The following LIMA1 variants were observed in gnomAD, a reference collection of about 807,000 sequenced individuals.
LIMA1 encodes the protein LIM domain and actin binding 1.
A neutral mutation model predicts 62.6 loss-of-function variants in LIMA1; 52 were observed. The ratio of observed to expected loss-of-function variants is 0.83; its 90% CI spans 0.67 to 1.05. The LOEUF is 1.05. Among genes scored for constraint, LIMA1 ranks in the 50% least tolerant of loss-of-function variants. The pLI is 0.00. For missense variants in LIMA1, 780 were observed against 902.2 expected, an observed-to-expected ratio of 0.86 and a Z score of 1.74; for synonymous variants, 302 against 317.8, an observed-to-expected ratio of 0.95 and a Z score of 0.53.
intron 2 of LIMA1, among the ~76,000 whole-genome samples, chr12:50,244,129 C>T (rs1309930921): frequency 3.3e-5 from 5 of 151,868 alleles, no homozygotes; most frequent in Non-Finnish European, 5.9e-5. Flanking sequence ...GACAGAGTCT[C>T]GCTCTGTAGC....
intron 3 of LIMA1, among the ~76,000 whole-genome samples, chr12:50,226,607 G>A (rs148753766): frequency 0.023 from 3,570 of 152,188 alleles, 128 homozygotes; most frequent in African/African-American, 0.08. Context: ...TTGGGAGGCC[G>A]AGGCGGGCGG....
chr12:50,198,573 CAA>C (rs1940979031), intron 7 of LIMA1, among the ~76,000 whole-genome samples: 1 of 151,856 alleles, frequency 6.6e-6, no homozygotes, highest in Non-Finnish European at 1.5e-5. Context: ...TTAAAAAATA[CAA>C]ATTCCAACTA....
intron 10 of LIMA1, among the ~76,000 whole-genome samples, chr12:50,179,885 G>T (rs1402429045): frequency 6.6e-6 from 1 of 151,598 alleles, no homozygotes; most frequent in Non-Finnish European, 1.5e-5. Context: ...ATTTTTCATA[G>T]AGATGGGATC....
At chr12:50,214,051 C>CACACACACACAT (rs55904917) in intron 4 of LIMA1, among the ~76,000 whole-genome samples, 44 of 149,972 alleles carry the variant, frequency 2.9e-4, no homozygotes, top group Middle Eastern at 6.9e-3. Flanking sequence ...CACACACACA[C>CACACACACACAT]GAGATTACTC....
intron 1 of LIMA1, among the ~76,000 whole-genome samples, chr12:50,261,038 G>GTATA (rs771293990): frequency 2.9e-5 from 2 of 70,158 alleles, no homozygotes; most frequent in African/African-American, 1.3e-4. Flanking sequence ...CTGCCATCTA[G>GTATA]TATATTTTTT....
chr12:50,177,289 G>GAA lies in LIMA1; in HGVS notation c.2054_2055insTT (p.Asp687ProfsTer20). 8.7e-6 allele frequency: 14 copies of GAA among 1,614,158 alleles called. No individual in the cohort carries two copies. The highest frequency in any genetic ancestry group is 1.2e-5 in the Non-Finnish European group (14 of 1,180,028). On this transcript the variant is annotated frameshift_variant, in exon 11 of 11. Transcript: ENST00000341247. LOFTEE classifies it high-confidence loss of function. Reference sequence around the variant, plus strand: ...GGAAGCTGTTATCATCTTCATCGGAGTCTGCACCATTTTCTACAAGATTCT... The same window carrying GAA: ...GGAAGCTGTTATCATCTTCATCGGAGAATCTGCACCATTTTCTACAAGATTCT...
chr12:50,191,843 A>C (rs978334741), intron 9 of LIMA1, among the ~76,000 whole-genome samples: 1 of 148,294 alleles, frequency 6.7e-6, no homozygotes, highest in African/African-American at 2.5e-5. Flanking sequence ...AAAACAAACA[A>C]ACAAACAAAC....
chr12:50,217,026 T>A (rs1249296913), intron 4 of LIMA1, among the ~76,000 whole-genome samples: 1 of 152,092 alleles, frequency 6.6e-6, no homozygotes, highest in Non-Finnish European at 1.5e-5. Context: ...ACCTTCCTTT[T>A]ATTAAATAAA....
rs535492365 is a variant in LIMA1 at position 50,178,951 on chromosome 12, CAT to C, written c.1275-884_1275-883del. Among the ~76,000 whole-genome samples, 935 of 138,580 alleles carry C rather than the reference CAT, an allele frequency of 6.7e-3. 3 individuals are homozygous for C. Among genetic ancestry groups the C allele is most frequent in the Middle Eastern group, 0.014 (4 of 276 alleles). 90.9% of individuals were successfully genotyped at this position (138,580 alleles called of 152,430 possible). Reference sequence around the variant, plus strand: ...CTCTATTCTTAACGGTATATAAATACATATATATATATATATTTTTTTTTTCT... The same window carrying C: ...CTCTATTCTTAACGGTATATAAATACATATATATATATATTTTTTTTTTCT... On this transcript the variant is annotated intron_variant, in intron 10 of 10. Transcript: ENST00000341247.
At chr12:50,245,053 T>C (rs1007410174) in intron 2 of LIMA1, among the ~76,000 whole-genome samples, 2 of 152,150 alleles carry the variant, frequency 1.3e-5, no homozygotes, top group South Asian at 2.1e-4. Flanking sequence ...TTCTGAGTGA[T>C]AGGTTGAGAC....
intron 2 of LIMA1, among the ~76,000 whole-genome samples, chr12:50,233,184 T>G (rs1208174183): frequency 6.6e-6 from 1 of 152,222 alleles, no homozygotes; most frequent in Non-Finnish European, 1.5e-5. Flanking sequence ...GTCTAGGCTT[T>G]AAGCCCCAGT....
intron 4 of LIMA1, among the ~76,000 whole-genome samples, chr12:50,213,161 T>C (rs949572325): frequency 1.3e-5 from 2 of 152,226 alleles, no homozygotes; most frequent in Non-Finnish European, 2.9e-5. Flanking sequence ...TCCAGTGCTT[T>C]CATTCATATC....
At chr12:50,218,700 G>A (rs1941390939) in intron 4 of LIMA1, among the ~76,000 whole-genome samples, 1 of 152,032 alleles carries the variant, frequency 6.6e-6, no homozygotes. Flanking sequence ...GAGCCCAGGA[G>A]TTTAAGAACA....
intron 3 of LIMA1, among the ~76,000 whole-genome samples, chr12:50,228,449 C>T (rs146853046): frequency 3.2e-4 from 48 of 152,316 alleles, no homozygotes; most frequent in African/African-American, 1.1e-3. Flanking sequence ...GTGTTTGATT[C>T]TGTTAACTCC....
intron 1 of LIMA1, among the ~76,000 whole-genome samples, chr12:50,263,151 G>C (rs1472346017): frequency 6.6e-6 from 1 of 151,948 alleles, no homozygotes; most frequent in Non-Finnish European, 1.5e-5. Context: ...TTTTCCTCTA[G>C]CCAGGTCTGT....
At chr12:50,237,353 T>C (rs1941710471) in intron 2 of LIMA1, among the ~76,000 whole-genome samples, 2 of 152,008 alleles carry the variant, frequency 1.3e-5, no homozygotes, top group African/African-American at 4.8e-5. Flanking sequence ...TTAAAAGTGG[T>C]TGGCCAGGTG....
rs1433284528 is a variant in LIMA1, at chr12:50,204,665, TTTTCTCCGAGTCAAA to T, written c.736_750del (p.Phe246_Lys250del). On this transcript the variant is annotated inframe_deletion, in exon 6 of 11. Transcript: ENST00000341247. ...AGTTCCAGATTTCGTCTACTCTCAT[TTTTCTCCGAGTCAAA>T]TGTAGAAGATGACAACTGACCTGGA... 6.2e-7 allele frequency: 1 copy of T among 1,614,206 alleles called. No homozygotes were observed. Among genetic ancestry groups the T allele is most frequent in the East Asian group, 2.2e-5 (1 of 44,888 alleles).
intron 2 of LIMA1, among the ~76,000 whole-genome samples, chr12:50,245,408 G>A (rs1270205735): frequency 7.1e-6 from 1 of 140,252 alleles, no homozygotes; most frequent in Non-Finnish European, 1.5e-5. Context: ...GTATGACCCT[G>A]TCTCAAAAAA....
chr12:50,249,857 C>G (rs1236637314), intron 1 of LIMA1: 1 of 152,188 alleles, frequency 6.6e-6, no homozygotes, highest in African/African-American at 2.4e-5. Flanking sequence ...TAAAGTACTA[C>G]TTGCAGCTCT....
Sources: allele counts gnomAD v4.1 joint callset (sites outside exome capture counted in the v4.1 genomes callset), GRCh38; gene constraint gnomAD v4.1.1; transcripts MANE v1.5; gene names NCBI Gene and HGNC (gene_info 2026-07-23, HGNC 2026-07-21).